LVRN: variants seen among roughly 807,000 people sequenced by gnomAD.
The protein encoded by LVRN is aminopeptidase Q.
In LVRN, 99 loss-of-function variants were observed where a neutral mutation model predicts 111.4. The observed-to-expected ratio is 0.89, with a 90% CI of 0.76 to 1.05. The LOEUF (loss-of-function observed/expected upper bound fraction) is 1.05. LVRN is among the 50% of genes least tolerant of loss of function. The pLI, the probability that LVRN is intolerant of heterozygous loss-of-function variation, is 0.00. For missense variants in LVRN, 1,414 were observed against 1,206.8 expected (o/e 1.17, Z -2.54); for synonymous variants, 488 against 449.5 (o/e 1.09, Z -1.08).
rs189111991 is a variant in LVRN, at chr5:115,969,822, T to C, written c.695+6510T>C. Among the ~76,000 whole-genome samples, 357 of 148,892 alleles carry C rather than the reference T, an allele frequency of 2.4e-3. 1 individual carries two copies. Among genetic ancestry groups the C allele is most frequent in the African/African-American group, 8.4e-3 (343 of 40,612 alleles). On this transcript the variant is annotated intron_variant, in intron 1 of 19. Transcript: ENST00000357872. ...CTCAAAAAAAAAAAAAAAAAAGATATTATAATTTTTATCTTTAACATTTCT... is the reference window on the plus strand; with the variant it reads ...CTCAAAAAAAAAAAAAAAAAAGATACTATAATTTTTATCTTTAACATTTCT...
intron 19 of LVRN, among the ~76,000 whole-genome samples, chr5:116,025,538 A>G (rs1264330775): frequency 1.3e-5 from 2 of 152,192 alleles, no homozygotes; most frequent in Non-Finnish European, 2.9e-5. Flanking sequence ...TCATTATCTA[A>G]GTATTCTAAA....
At chr5:115,983,106 A>G (rs944391270) in intron 1 of LVRN, among the ~76,000 whole-genome samples, 181 bp from the exon 2 acceptor site, 4 of 152,160 alleles carry the variant, frequency 2.6e-5, no homozygotes, top group African/African-American at 9.7e-5. Context: ...AGGTCTTAGG[A>G]GAATTCTAAG....
chr5:116,015,121 C>G, intron 16 of LVRN, 131 bp from the exon 17 acceptor site: 1 of 609,220 alleles, frequency 1.6e-6, no homozygotes. Flanking sequence ...ATAATTGCCT[C>G]TCTAGATTCC....
intron 13 of LVRN, among the ~76,000 whole-genome samples, chr5:116,008,999 T>A (rs1165622458): frequency 6.6e-6 from 1 of 152,242 alleles, no homozygotes; most frequent in Non-Finnish European, 1.5e-5. Context: ...AGGCCTTTTA[T>A]AGCTAGAGAG....
intron 1 of LVRN, among the ~76,000 whole-genome samples, chr5:115,967,253 T>C (rs79224942): frequency 0.032 from 4,810 of 152,306 alleles, 248 homozygotes; most frequent in African/African-American, 0.11. Context: ...GCAGATTTTC[T>C]ATGTTGTCTT....
Position 116,002,952 on chromosome 5 carries a change from A to G in LVRN, c.1897+41A>G, listed in dbSNP as rs1471247769. 1.4e-5 allele frequency: 20 copies of G among 1,418,048 alleles called. No individual in the cohort carries two copies. In the East Asian group the frequency reaches 4.2e-4, roughly 30 times the overall value. 87.8% of individuals were successfully genotyped at this position (1,418,048 alleles called of 1,614,324 possible). On this transcript the variant is annotated intron_variant, in intron 11 of 19. Coordinates refer to ENST00000357872, the MANE Select transcript of LVRN (RefSeq NM_173800.5). ...TAAAAACATCTTTATATATATGCAT[A>G]TGTAAAGGCAGGGAATAAAATATTG...
chr5:115,999,746 A>T lies in LVRN; in HGVS notation c.1375-16A>T. 6.2e-7 allele frequency: 1 copy of T among 1,612,500 alleles called. No individual in the cohort carries two copies. The highest frequency in any genetic ancestry group is 8.5e-7 in the Non-Finnish European group (1 of 1,179,390). ...ACACCTCAGGAGTTAATGTGCCTCC[A>T]TCTTTTCCTTTATAGAATGAGATCT... On this transcript the variant is annotated splice_polypyrimidine_tract_variant and intron_variant, in intron 6 of 19. Coordinates refer to ENST00000357872, the MANE Select transcript of LVRN (RefSeq NM_173800.5).
At chr5:116,022,094 T>C (rs1748742238) in intron 18 of LVRN, 1 of 260,144 alleles carries the variant, frequency 3.8e-6, no homozygotes, top group Non-Finnish European at 7.3e-6. Context: ...ATTGTATTGA[T>C]TTGAGACTTG....
chr5:115,970,330 A>G (rs936219139), intron 1 of LVRN, among the ~76,000 whole-genome samples: 1 of 151,176 alleles, frequency 6.6e-6, no homozygotes, highest in Non-Finnish European at 1.5e-5. Flanking sequence ...ATCATACAAT[A>G]TGTACTCTCA....
rs905123402 is a variant in LVRN at position 115,992,810 on chromosome 5, T to C, written c.1260+533T>C. Among the ~76,000 whole-genome samples the C allele has an allele frequency of 4.6e-5, 7 of 152,330 alleles. No individual in the cohort carries two copies. In the East Asian group the frequency reaches 1.4e-3, roughly 29 times the overall value. ...TTAATCAGATCTATTTGCTTTTGCA[T>C]TGGGATTTTAGAAGTTTAGCTGTTT... On this transcript the variant is annotated intron_variant, in intron 5 of 19. Transcript: ENST00000357872.
chr5:115,989,288 T>C (rs1747932361), intron 4 of LVRN, among the ~76,000 whole-genome samples: 2 of 152,140 alleles, frequency 1.3e-5, no homozygotes, highest in South Asian at 2.1e-4. Context: ...AGTTCCTGAG[T>C]GGGAAGGATG....
intron 18 of LVRN, chr5:116,020,972 C>A (rs1024056470): frequency 6.6e-6 from 1 of 152,106 alleles, no homozygotes; most frequent in Non-Finnish European, 1.5e-5. Context: ...GTAAACTATT[C>A]GTAATGCAAT....
Position 116,001,072 on chromosome 5 carries a change from A to C in LVRN, c.1653A>C (p.Ile551=). Reference sequence around the variant, plus strand: ...GTGGTGATTTTTTAAAACAGGCCATAGATGACCAGAGTACAGTTATTTTGC... The same window carrying C: ...GTGGTGATTTTTTAAAACAGGCCATCGATGACCAGAGTACAGTTATTTTGC... ...DDLWRHFQMA[I]DDQSTVILPA... is the part of the protein sequence containing the mutation. Residue 551 remains isoleucine, a synonymous_variant, in exon 10 of 20, where the codon ATA becomes ATC. Coordinates refer to ENST00000357872, the MANE Select transcript of LVRN (RefSeq NM_173800.5). 1 of 1,600,786 alleles carries C rather than the reference A, an allele frequency of 6.2e-7. No homozygotes were observed. Among genetic ancestry groups the C allele is most frequent in the Non-Finnish European group, 8.5e-7 (1 of 1,176,484 alleles).
intron 4 of LVRN, 58 bp downstream of exon 4, chr5:115,987,997 G>C (rs1321663391): frequency 6.4e-7 from 1 of 1,563,090 alleles, no homozygotes; most frequent in East Asian, 2.2e-5. Context: ...GCCCTTGGTT[G>C]AGGCCTCAAG....
chr5:115,996,056 T>A (rs534274545), intron 6 of LVRN, among the ~76,000 whole-genome samples: 26 of 152,320 alleles, frequency 1.7e-4, no homozygotes, highest in Middle Eastern at 3.4e-3. Context: ...CAAAATTGTT[T>A]GTATCTCTCT....
intron 18 of LVRN, among the ~76,000 whole-genome samples, chr5:116,019,519 G>C (rs1238115097): frequency 6.6e-6 from 1 of 152,228 alleles, no homozygotes; most frequent in Non-Finnish European, 1.5e-5. Flanking sequence ...CACCATTGTA[G>C]CATCATACAG....
In LVRN at chr5:116,026,385, A is replaced by G; in HGVS notation, c.*267A>G. ...TCCCACAGAATTTACTTTAAATGTCACGTAAAAACAAATTCACCTAAGATA... is the reference window on the plus strand; with the variant it reads ...TCCCACAGAATTTACTTTAAATGTCGCGTAAAAACAAATTCACCTAAGATA... On this transcript the variant is annotated 3_prime_UTR_variant, in exon 20 of 20. Transcript: ENST00000357872. 2.3e-6 allele frequency: 1 copy of G among 437,130 alleles called. No individual in the cohort carries two copies. The highest frequency in any genetic ancestry group is 3.8e-5 in the Admixed American group (1 of 26,186). 27.1% of individuals were successfully genotyped at this position (437,130 alleles called of 1,614,324 possible). A position where few individuals can be genotyped will look rare whatever the true frequency, so the allele number is the denominator to read the frequency against.
rs776551394 is a variant in LVRN, at chr5:115,962,713, A to C, written c.96A>C (p.Val32=). Residue 32 remains valine, a synonymous_variant, in exon 1 of 20, where the codon GTA becomes GTC. Transcript: ENST00000357872. ...CCGCCCTCCTGCTGGCGCTGGCCGT[A>C]CTCGCCGCCTTGTACGGCCACTGCG... is the stretch of plus-strand genomic sequence containing the variant. ...LVAALLLALA[V]LAALYGHCER... 4.3e-6 allele frequency: 7 copies of C among 1,611,496 alleles called. No homozygotes were observed. The highest frequency in any genetic ancestry group is 5.9e-6 in the Non-Finnish European group (7 of 1,179,600).
At chr5:116,013,424 A>G (rs919785504) in intron 15 of LVRN, among the ~76,000 whole-genome samples, 1 of 152,126 alleles carries the variant, frequency 6.6e-6, no homozygotes, top group Admixed American at 6.6e-5. Context: ...TGGCTCTCCT[A>G]AATTGGACTG....
Sources: allele counts gnomAD v4.1 joint callset (sites outside exome capture counted in the v4.1 genomes callset), GRCh38; gene constraint gnomAD v4.1.1; transcripts MANE v1.5; gene names NCBI Gene and HGNC (gene_info 2026-07-23, HGNC 2026-07-21).